Variants in LRRC1 observed in about 807,000 individuals in gnomAD.
LRRC1 encodes the protein leucine rich repeat containing 1, also known as leucine-rich repeat-containing protein 1.
LRRC1 carries 28 observed loss-of-function variants against 69.9 expected under a neutral mutation model. The ratio of observed to expected loss-of-function variants is 0.40; its 90% CI spans 0.30 to 0.55. The LOEUF is 0.55. Ranked by LOEUF, LRRC1 falls within the 20% of genes least tolerant of loss-of-function variation. LRRC1 has a pLI of 0.47. For synonymous variants in LRRC1, 236 were observed against 240.2 expected, an observed-to-expected ratio of 0.98 and a Z score of 0.16; for missense variants, 498 against 609.0, an observed-to-expected ratio of 0.82 and a Z score of 1.92.
intron 4 of LRRC1, among the ~76,000 whole-genome samples, chr6:53,895,438 A>G (rs930811858): frequency 6.6e-6 from 1 of 152,142 alleles, no homozygotes; most frequent in African/African-American, 2.4e-5. Context: ...AGTACACGTG[A>G]TTCTGGCTTT....
intron 10 of LRRC1, among the ~76,000 whole-genome samples, chr6:53,907,100 G>A (rs767036466): frequency 2.6e-5 from 4 of 152,362 alleles, no homozygotes; most frequent in Middle Eastern, 3.4e-3. Flanking sequence ...TCTCTGTGCA[G>A]TGAGTGTGGT....
intron 2 of LRRC1, among the ~76,000 whole-genome samples, chr6:53,858,772 G>A (rs1271512351): frequency 1.3e-5 from 2 of 152,150 alleles, no homozygotes; most frequent in Admixed American, 1.3e-4. Flanking sequence ...CCTTTATCCT[G>A]CTAGAGGCAC....
Position 53,923,710 on chromosome 6 carries a change from G to C in LRRC1, c.*917G>C, listed in dbSNP as rs1306358835. The stretch of plus-strand genomic sequence containing the variant: ...TATGTGCCATTTGTAAAATAAAATA[G>C]AGCAGAAAAACACAAAAAGAGAACA... On this transcript the variant is annotated 3_prime_UTR_variant, in exon 14 of 14. Transcript: ENST00000370888. The C allele has an allele frequency of 6.6e-6, 1 of 152,540 alleles. No homozygotes were observed. The highest frequency in any genetic ancestry group is 2.4e-5 in the African/African-American group (1 of 41,416). 9.4% of individuals were successfully genotyped at this position (152,540 alleles called of 1,614,324 possible). A position where few individuals can be genotyped will look rare whatever the true frequency, so the allele number is the denominator to read the frequency against.
intron 3 of LRRC1, among the ~76,000 whole-genome samples, chr6:53,881,112 C>T (rs1767276751): frequency 1.3e-5 from 2 of 152,166 alleles, no homozygotes; most frequent in South Asian, 4.1e-4. Context: ...TGGCAGGTTT[C>T]TTAAAGTAAA....
chr6:53,858,864 G>C (rs1474744275), intron 2 of LRRC1, among the ~76,000 whole-genome samples: 1 of 152,040 alleles, frequency 6.6e-6, no homozygotes, highest in African/African-American at 2.4e-5. Context: ...AGAGATGATG[G>C]GTGTAGCACT....
chr6:53,912,088 CAT>C (rs964184779), intron 10 of LRRC1, among the ~76,000 whole-genome samples: 12 of 152,140 alleles, frequency 7.9e-5, no homozygotes, highest in African/African-American at 2.7e-4. Flanking sequence ...AGTGTATAAA[CAT>C]ATGTAAATGA....
intron 1 of LRRC1, among the ~76,000 whole-genome samples, chr6:53,822,180 G>C (rs1765135877): frequency 6.6e-6 from 1 of 152,146 alleles, no homozygotes; most frequent in Non-Finnish European, 1.5e-5. Flanking sequence ...GAAGAACATA[G>C]CAATCGAGGG....
At chr6:53,851,972 A>C (rs1205581064) in intron 2 of LRRC1, among the ~76,000 whole-genome samples, 1 of 152,236 alleles carries the variant, frequency 6.6e-6, no homozygotes, top group Non-Finnish European at 1.5e-5. Flanking sequence ...CATTCTTAAA[A>C]AATATGTTTT....
intron 1 of LRRC1, among the ~76,000 whole-genome samples, chr6:53,808,773 A>G (rs1009859623): frequency 6.6e-6 from 1 of 152,172 alleles, no homozygotes; most frequent in African/African-American, 2.4e-5. Flanking sequence ...CATAAGTTGC[A>G]TCTGTTCTGT....
At position 53,919,994 on chromosome 6, in the gene LRRC1, G is replaced by A. The variant is rs568847079; in HGVS notation, c.1279+324G>A. Among the ~76,000 whole-genome samples, 10 of 152,366 alleles carry A rather than the reference G, an allele frequency of 6.6e-5. No individual in the cohort carries two copies. In the South Asian group the frequency reaches 1.9e-3, roughly 28 times the overall value. On this transcript the variant is annotated intron_variant, in intron 12 of 13. Transcript: ENST00000370888. ...TCCAAACTGATAGTTCAGAGGATTA[G>A]TATTAACACCACTGGCATACTGTTT...
At chr6:53,855,603 G>A (rs1766284811) in intron 2 of LRRC1, among the ~76,000 whole-genome samples, 1 of 152,196 alleles carries the variant, frequency 6.6e-6, no homozygotes, top group Non-Finnish European at 1.5e-5. Context: ...TGAATGTGCT[G>A]CCTGTATTGT....
chr6:53,826,811 C>G (rs1281377674), intron 1 of LRRC1, among the ~76,000 whole-genome samples: 2 of 152,164 alleles, frequency 1.3e-5, no homozygotes, highest in East Asian at 1.9e-4. Context: ...CAAACACAAA[C>G]CATTTTAATA....
At chr6:53,921,675 A>T (rs1415077210) in intron 13 of LRRC1, among the ~76,000 whole-genome samples, 2 of 152,174 alleles carry the variant, frequency 1.3e-5, no homozygotes, top group African/African-American at 4.8e-5. Context: ...AAATTCCTTG[A>T]ACTAATTGAG....
At position 53,808,091 on chromosome 6, in the gene LRRC1, C is replaced by T. The variant is rs145900310; in HGVS notation, c.159+12676C>T. The stretch of plus-strand genomic sequence containing the variant: ...GGCAGATCATAAGCCTATGAGATAC[C>T]TGATTTATGTTAGAGAGTTCACTCT... On this transcript the variant is annotated intron_variant, in intron 1 of 13. Transcript: ENST00000370888. 2.8e-3 allele frequency among the ~76,000 whole-genome samples: 421 copies of T among 152,258 alleles called. 3 individuals carry two copies. The highest frequency in any genetic ancestry group is 9.6e-3 in the African/African-American group (397 of 41,548).
intron 2 of LRRC1, among the ~76,000 whole-genome samples, chr6:53,847,957 C>T (rs1447358950): frequency 1.3e-5 from 2 of 152,148 alleles, no homozygotes; most frequent in Non-Finnish European, 2.9e-5. Context: ...AGTTTTTACC[C>T]ATGCGGACTT....
At chr6:53,864,948 T>C (rs867508917) in intron 2 of LRRC1, among the ~76,000 whole-genome samples, 1 of 152,210 alleles carries the variant, frequency 6.6e-6, no homozygotes, top group South Asian at 2.1e-4. Context: ...AATAGAAATA[T>C]TGTGCTTAAA....
At chr6:53,912,929 T>C (rs1233703731) in intron 10 of LRRC1, among the ~76,000 whole-genome samples, 1 of 152,190 alleles carries the variant, frequency 6.6e-6, no homozygotes, top group Non-Finnish European at 1.5e-5. Flanking sequence ...TAGTACTTTA[T>C]GGAGTCCTGC....
At chr6:53,832,996 A>G (rs1765473224) in intron 1 of LRRC1, among the ~76,000 whole-genome samples, 1 of 152,062 alleles carries the variant, frequency 6.6e-6, no homozygotes, top group Admixed American at 6.6e-5. Flanking sequence ...CATTGTATGC[A>G]TTTGCCATCC....
intron 13 of LRRC1, among the ~76,000 whole-genome samples, chr6:53,921,533 GT>G (rs1768743087): frequency 6.6e-6 from 1 of 152,084 alleles, no homozygotes; most frequent in Admixed American, 6.5e-5. Flanking sequence ...ACAAGTTTTT[GT>G]TCAGAAATTG....
Sources: allele counts gnomAD v4.1 joint callset (sites outside exome capture counted in the v4.1 genomes callset), GRCh38; gene constraint gnomAD v4.1.1; transcripts MANE v1.5; gene names NCBI Gene and HGNC (gene_info 2026-07-23, HGNC 2026-07-21).